ARHGEF7: variants seen among roughly 807,000 people sequenced by gnomAD.
The protein encoded by ARHGEF7 is PAK-interacting exchange factor beta.
In ARHGEF7, 33 loss-of-function variants were observed where a neutral mutation model predicts 109.8. That is an observed-to-expected ratio of 0.30 (90% CI 0.23 to 0.40). The LOEUF is 0.40. Among genes scored for constraint, ARHGEF7 ranks in the 10% least tolerant of loss-of-function variants. The pLI is 1.00. For missense variants in ARHGEF7, 938 were observed against 1,098.5 expected, an observed-to-expected ratio of 0.85 and a Z score of 2.07; for synonymous variants, 458 against 424.6, an observed-to-expected ratio of 1.08 and a Z score of -0.97.
chr13:111,199,610 T>A (rs547494497), intron 2 of ARHGEF7, among the ~76,000 whole-genome samples: 3 of 152,302 alleles, frequency 2.0e-5, no homozygotes, highest in Non-Finnish European at 4.4e-5. Context: ...AGGTGTTAGT[T>A]CAGGAGGTAA....
Position 111,145,941 on chromosome 13 carries a change from T to G in ARHGEF7, c.166-7964T>G, listed in dbSNP as rs1371244014. Among the ~76,000 whole-genome samples, 1 of 152,002 alleles carries G rather than the reference T, an allele frequency of 6.6e-6. No individual in the cohort carries two copies. On this transcript the variant is annotated intron_variant, in intron 1 of 21. Transcript: ENST00000646102. This position sits in a 1 kb window ranked among gnomAD's most constrained non-coding sequence, Gnocchi z 4.3. ...TTTGTTTCACTTACTCCGTGATGAG[T>G]GGATTTGGTGACCTAAGTGAGTTAG...
At chr13:111,127,830 T>A (rs1487738439) in intron 1 of ARHGEF7, among the ~76,000 whole-genome samples, 1 of 151,968 alleles carries the variant, frequency 6.6e-6, no homozygotes, top group African/African-American at 2.4e-5. Flanking sequence ...CTTCAAAAAA[T>A]TTAGCAAATC....
At chr13:111,200,701 T>A (rs2027581) in intron 2 of ARHGEF7, among the ~76,000 whole-genome samples, 114,355 of 152,146 alleles carry the variant, frequency 0.75, 43,205 homozygotes, top group South Asian at 0.89. Flanking sequence ...AAGGTTAGTA[T>A]TGATGTCTCA....
At chr13:111,140,624 C>T (rs562707593) in intron 1 of ARHGEF7, among the ~76,000 whole-genome samples, 24 of 152,184 alleles carry the variant, frequency 1.6e-4, no homozygotes, top group African/African-American at 5.3e-4. Context: ...AATAAGGGAG[C>T]GATTGTGTAG....
At chr13:111,198,021 T>C (rs1037425497) in intron 2 of ARHGEF7, among the ~76,000 whole-genome samples, 3 of 152,112 alleles carry the variant, frequency 2.0e-5, no homozygotes, top group East Asian at 1.9e-4. Flanking sequence ...CAGCTTGTTG[T>C]TGGGACCCCG....
chr13:111,158,417 A>T (rs147993445), intron 2 of ARHGEF7, among the ~76,000 whole-genome samples: 135 of 152,358 alleles, frequency 8.9e-4, no homozygotes, highest in African/African-American at 3.1e-3. Context: ...TGGAATAGTT[A>T]TGTTTGATAT....
intron 2 of ARHGEF7, among the ~76,000 whole-genome samples, chr13:111,156,080 C>CAA (rs56803261): frequency 8.1e-6 from 1 of 123,688 alleles, no homozygotes; most frequent in African/African-American, 3.1e-5. Flanking sequence ...AAGACTCCCT[C>CAA]AAAAAAAAAA....
At chr13:111,159,108 C>A in intron 2 of ARHGEF7, 1 of 717,922 alleles carries the variant, frequency 1.4e-6, no homozygotes, top group East Asian at 2.7e-5. Flanking sequence ...AGCTTTTTTA[C>A]ACTTTACATA....
chr13:111,262,948 G>GC (rs1279569322), intron 8 of ARHGEF7, among the ~76,000 whole-genome samples: 2 of 152,186 alleles, frequency 1.3e-5, no homozygotes, highest in Admixed American at 1.3e-4. Flanking sequence ...CCATCCTGCT[G>GC]CCCAAGGCCT....
chr13:111,232,809 A>G (rs2086278753), intron 5 of ARHGEF7, among the ~76,000 whole-genome samples: 1 of 152,184 alleles, frequency 6.6e-6, no homozygotes, highest in Admixed American at 6.5e-5. Flanking sequence ...CTGAGTCCCT[A>G]ACTTTTAGCC....
intron 15 of ARHGEF7, among the ~76,000 whole-genome samples, chr13:111,282,474 ATTAAAG>A (rs966775734): frequency 6.9e-6 from 1 of 145,056 alleles, no homozygotes; most frequent in Non-Finnish European, 1.5e-5. Flanking sequence ...CTTTGTTTTG[ATTAAAG>A]TTGAGTTTTC....
intron 8 of ARHGEF7, among the ~76,000 whole-genome samples, chr13:111,260,725 G>T (rs765398083): frequency 3.3e-5 from 5 of 152,194 alleles, no homozygotes; most frequent in African/African-American, 1.2e-4. Context: ...ATAACACTAT[G>T]TGTAAACTAC....
intron 1 of ARHGEF7, among the ~76,000 whole-genome samples, chr13:111,116,179 C>T (rs1594754413): frequency 1.3e-5 from 2 of 152,204 alleles, no homozygotes; most frequent in East Asian, 3.9e-4. Flanking sequence ...AGGCACGCAT[C>T]TGTAGCTGAG....
At chr13:111,220,573 CGTCAGTGTCATCT>C (rs1312995040) in intron 5 of ARHGEF7, among the ~76,000 whole-genome samples, 2 of 152,112 alleles carry the variant, frequency 1.3e-5, no homozygotes, top group Non-Finnish European at 2.9e-5. Flanking sequence ...ATTTGAATGT[CGTCAGTGTCATCT>C]GCCGTGGGAA....
intron 4 of ARHGEF7, among the ~76,000 whole-genome samples, chr13:111,214,088 CT>C (rs1352353933): frequency 4.7e-4 from 72 of 152,242 alleles, no homozygotes; most frequent in African/African-American, 1.7e-3. Flanking sequence ...TGCCTGCCCC[CT>C]GTACCCTTCC....
intron 1 of ARHGEF7, among the ~76,000 whole-genome samples, chr13:111,134,635 G>A (rs2074994037): frequency 6.6e-6 from 1 of 152,074 alleles, no homozygotes. Flanking sequence ...CTTTTTGATG[G>A]GGTTGTTTGT....
At chr13:111,132,396 G>A (rs2074801430) in intron 1 of ARHGEF7, among the ~76,000 whole-genome samples, 1 of 152,206 alleles carries the variant, frequency 6.6e-6, no homozygotes, top group Non-Finnish European at 1.5e-5. Flanking sequence ...GGCTTCTGAG[G>A]TCAGGATGGG....
At chr13:111,194,169 G>A (rs558380881) in intron 2 of ARHGEF7, among the ~76,000 whole-genome samples, 5 of 152,302 alleles carry the variant, frequency 3.3e-5, no homozygotes, top group Admixed American at 3.3e-4. Flanking sequence ...CCGGTTGTGG[G>A]GTTGTCCCAC....
chr13:111,147,901 T>G (rs905130162), intron 1 of ARHGEF7, among the ~76,000 whole-genome samples: 13 of 151,854 alleles, frequency 8.6e-5, no homozygotes, highest in Middle Eastern at 3.4e-3. Context: ...GTTTCACCGT[T>G]TTAGCCGGGA....
Sources: gnomAD v4.1 joint callset for allele counts (sites outside exome capture counted in the v4.1 genomes callset) on GRCh38, gnomAD v4.1.1 for gene constraint, Gnocchi (gnomAD v3.1) non-coding constraint, MANE v1.5 for transcripts, NCBI Gene and HGNC (gene_info 2026-07-23, HGNC 2026-07-21) for gene names.